The following USP24 variants were observed in gnomAD, a reference collection of about 807,000 sequenced individuals.
USP24 encodes the protein ubiquitin specific peptidase 24.
Under a neutral mutation model 361.6 loss-of-function variants are expected in USP24, and 97 were observed. The ratio of observed to expected loss-of-function variants is 0.27; its 90% CI spans 0.23 to 0.32. The LOEUF (loss-of-function observed/expected upper bound fraction) is 0.32, where lower values mean the gene tolerates loss of function less well. Ranked by LOEUF, USP24 falls within the 10% of genes least tolerant of loss-of-function variation. The probability of loss-of-function intolerance (pLI) is 1.00; values close to 1 mark genes in which losing one functional copy is unlikely to be tolerated. For synonymous variants in USP24, 1,098 were observed against 1,124.6 expected (o/e 0.98, Z 0.47); for missense variants, 2,353 against 3,165.6 (o/e 0.74, Z 6.16).
intron 55 of USP24, among the ~76,000 whole-genome samples, chr1:55,088,579 C>T (rs1454577184): frequency 6.6e-6 from 1 of 152,076 alleles, no homozygotes; most frequent in Non-Finnish European, 1.5e-5. Context: ...AGGCGTGTGG[C>T]ATCTGTGGTT....
rs755628756 is a variant in USP24 at position 55,144,119 on chromosome 1, G to A, written c.2439+8C>T. On this transcript the variant is annotated splice_region_variant and intron_variant, in intron 21 of 67. Transcript: ENST00000294383. ...CAAACTATCTAGATTTGAGAATAAC[G>A]TACTTACCAACTGAGCTCCTTGTCT... is the stretch of plus-strand genomic sequence containing the variant. 13 of 1,594,986 alleles carry A rather than the reference G, an allele frequency of 8.2e-6. No homozygotes were observed. The highest frequency in any genetic ancestry group is 6.8e-5 in the East Asian group (3 of 44,412).
At chr1:55,199,221 G>A (rs1042888276) in intron 1 of USP24, among the ~76,000 whole-genome samples, 1 of 152,084 alleles carries the variant, frequency 6.6e-6, no homozygotes, top group Non-Finnish European at 1.5e-5. Context: ...CCCGGGAGGT[G>A]GAGGTTGCAG....
intron 23 of USP24, 30 bp downstream of exon 23, chr1:55,142,712 A>G: frequency 7.1e-7 from 1 of 1,405,100 alleles, no homozygotes. Context: ...ATTTACCTCA[A>G]AGAGATGTTA....
chr1:55,146,123 CG>C lies in USP24; in HGVS notation c.2251-15del. ...TTCAAAACACATCTGTGGAATAAGA[CG>C]AATATCACCCTATAACTAAGATCCA... On this transcript the variant is annotated splice_polypyrimidine_tract_variant and intron_variant, in intron 19 of 67. Coordinates refer to ENST00000294383, the MANE Select transcript of USP24 (RefSeq NM_015306.3). 6.3e-7 allele frequency: 1 copy of C among 1,577,302 alleles called. No homozygotes were observed. The highest frequency in any genetic ancestry group is 2.2e-5 in the East Asian group (1 of 44,532).
At chr1:55,137,997 T>C in intron 26 of USP24, 93 bp from the exon 27 acceptor site, 1 of 1,233,706 alleles carries the variant, frequency 8.1e-7, no homozygotes, top group Non-Finnish European at 1.1e-6. Context: ...CTGGGCACTG[T>C]TCTAGAAGCT....
chr1:55,147,883 T>C, intron 17 of USP24, 85 bp from the exon 18 acceptor site: 3 of 1,412,294 alleles, frequency 2.1e-6, no homozygotes, highest in East Asian at 2.4e-5. Flanking sequence ...TTTAAAGATG[T>C]AGTCCTAGAT....
At chr1:55,089,539 T>A (rs1645328548) in intron 55 of USP24, 88 bp downstream of exon 55, 2 of 852,628 alleles carry the variant, frequency 2.3e-6, no homozygotes, top group African/African-American at 1.7e-5. Flanking sequence ...TAATTTCAAG[T>A]TGAAATAAAA....
At chr1:55,152,773 T>C (rs1170109354) in intron 16 of USP24, among the ~76,000 whole-genome samples, 2 of 152,154 alleles carry the variant, frequency 1.3e-5, no homozygotes, top group African/African-American at 2.4e-5. Context: ...CTGGGTTACA[T>C]GTAGAAAATT....
chr1:55,156,863 G>A (rs994638996), intron 12 of USP24, 85 bp downstream of exon 12: 13 of 934,760 alleles, frequency 1.4e-5, no homozygotes, highest in African/African-American at 3.3e-5. Flanking sequence ...TAAAGTTTCC[G>A]TTTTCCTGCT....
chr1:55,190,378 T>C (rs987598215), intron 1 of USP24, among the ~76,000 whole-genome samples: 6 of 152,050 alleles, frequency 3.9e-5, no homozygotes, highest in Non-Finnish European at 7.4e-5. Flanking sequence ...CAGAGGGGGA[T>C]AGTATGAACC....
chr1:55,175,219 CTTTTTTTT>C (rs3072970), intron 3 of USP24, among the ~76,000 whole-genome samples: 4 of 66,928 alleles, frequency 6.0e-5, no homozygotes, highest in South Asian at 1.5e-3. Flanking sequence ...TACTGGGTCT[CTTTTTTTT>C]TTTTTTTTTT....
intron 24 of USP24, 57 bp downstream of exon 24, chr1:55,141,559 A>C (rs1646890247): frequency 6.9e-7 from 1 of 1,441,850 alleles, no homozygotes; most frequent in Non-Finnish European, 9.5e-7. Flanking sequence ...AAAAACACCA[A>C]TCATTTTAAA....
At chr1:55,101,535 A>G (rs892675726) in intron 43 of USP24, 49 bp downstream of exon 43, 15 of 1,556,922 alleles carry the variant, frequency 9.6e-6, no homozygotes, top group Non-Finnish European at 1.2e-5. Flanking sequence ...ATTTTCAAGT[A>G]ACGCACGTAT....
intron 21 of USP24, 149 bp downstream of exon 21, chr1:55,143,978 T>A (rs1646961218): frequency 3.3e-6 from 2 of 597,056 alleles, no homozygotes; most frequent in East Asian, 6.5e-5. Context: ...AGAAGCTCTG[T>A]CATCAACATA....
chr1:55,202,671 C>T (rs766233798), intron 1 of USP24, among the ~76,000 whole-genome samples: 8 of 152,190 alleles, frequency 5.3e-5, no homozygotes, highest in African/African-American at 1.2e-4. Flanking sequence ...TCCCAAAGTG[C>T]TGTGATTACA....
chr1:55,151,309 G>A (rs1411942172), intron 16 of USP24, among the ~76,000 whole-genome samples: 2 of 152,164 alleles, frequency 1.3e-5, no homozygotes, highest in Non-Finnish European at 2.9e-5. Flanking sequence ...TTGCTTGGGA[G>A]GACAATTTCT....
At chr1:55,192,487 G>A (rs187807034) in intron 1 of USP24, among the ~76,000 whole-genome samples, 1 of 152,148 alleles carries the variant, frequency 6.6e-6, no homozygotes, top group Admixed American at 6.5e-5. Flanking sequence ...AAATGAAGAT[G>A]ACAGACTGAT....
intron 7 of USP24, 92 bp from the exon 8 acceptor site, chr1:55,162,356 G>A (rs1056370844): frequency 5.8e-5 from 66 of 1,133,568 alleles, no homozygotes; most frequent in Non-Finnish European, 7.1e-5. Context: ...TCAGAGAAAA[G>A]TTTAAATAGT....
chr1:55,123,539 C>G lies in USP24; in HGVS notation c.4184G>C (p.Arg1395Pro), dbSNP rs544958508. Reference protein sequence around the residue: ...PVALHAGICVRQQSVSTKDSL... With the variant: ...PVALHAGICVPQQSVSTKDSL... ...GTCTTTGGTGGATACAGACTGTTGTCGAACACAGATTCCCGCATGCAGGGC... is the reference window on the plus strand; with the variant it reads ...GTCTTTGGTGGATACAGACTGTTGTGGAACACAGATTCCCGCATGCAGGGC... The change falls in exon 36 of 68, where the codon CGA (arginine) becomes CCA (proline). Residue 1395 changes from arginine (R) to proline (P), a missense_variant. Coordinates refer to ENST00000294383, the MANE Select transcript of USP24 (RefSeq NM_015306.3). 9 of 1,601,954 alleles carry G rather than the reference C, an allele frequency of 5.6e-6. No individual in the cohort carries two copies. In the Admixed American group the frequency reaches 6.9e-5, roughly 12 times the overall value.
Sources: allele counts gnomAD v4.1 joint callset (sites outside exome capture counted in the v4.1 genomes callset), GRCh38; gene constraint gnomAD v4.1.1; transcripts MANE v1.5; gene names NCBI Gene and HGNC (gene_info 2026-07-23, HGNC 2026-07-21).